The following CACNB2 variants were observed in gnomAD, a reference collection of about 807,000 sequenced individuals.
CACNB2 encodes the protein voltage-dependent L-type calcium channel subunit beta-2.
CACNB2 carries 42 observed loss-of-function variants against 73.3 expected under a neutral mutation model. That is an observed-to-expected ratio of 0.57 (90% CI 0.45 to 0.74). The LOEUF is 0.74. Ranked by LOEUF, CACNB2 falls within the 30% of genes least tolerant of loss-of-function variation. The pLI is 0.00. For synonymous variants in CACNB2, 348 were observed against 310.3 expected, an observed-to-expected ratio of 1.12 and a Z score of -1.28; for missense variants, 940 against 853.0, an observed-to-expected ratio of 1.10 and a Z score of -1.27.
At chr10:18,514,456 G>C in intron 7 of CACNB2, 87 bp downstream of exon 7, 7 of 1,613,852 alleles carry the variant, frequency 4.3e-6, no homozygotes, top group African/African-American at 1.3e-5. Flanking sequence ...TGCGTCCTTT[G>C]ATAAGCCAAT....
intron 3 of CACNB2, among the ~76,000 whole-genome samples, chr10:18,497,104 C>A (rs556791235): frequency 6.7e-6 from 1 of 150,014 alleles, no homozygotes; most frequent in Admixed American, 6.6e-5. Context: ...CCAAGCTACT[C>A]GGGAGGCTGA....
intron 3 of CACNB2, among the ~76,000 whole-genome samples, chr10:18,415,744 T>A (rs1484214662): frequency 6.6e-6 from 1 of 152,232 alleles, no homozygotes; most frequent in Non-Finnish European, 1.5e-5. Context: ...ATTCGCAATT[T>A]ACTTAATGGC....
rs183801082 is a variant in CACNB2 at position 18,409,002 on chromosome 10, G to A, written c.333+6959G>A. ...AGAATAGCTGGGACCACAGGCATGC[G>A]CCACCATGCCTCGCTAACATTTTTT... On this transcript the variant is annotated intron_variant, in intron 3 of 13. Coordinates refer to ENST00000324631, the MANE Select transcript of CACNB2 (RefSeq NM_201596.3). Among the ~76,000 whole-genome samples, 123 of 150,980 alleles carry A rather than the reference G, an allele frequency of 8.1e-4. 1 individual carries two copies. Among genetic ancestry groups the A allele is most frequent in the Admixed American group, 6.2e-3 (94 of 15,198 alleles).
At position 18,318,793 on chromosome 10, in the gene CACNB2, T is replaced by C. The variant is rs1414587058; in HGVS notation, c.214-83131T>C. 2.0e-5 allele frequency among the ~76,000 whole-genome samples: 3 copies of C among 152,112 alleles called. No individual in the cohort carries two copies. The East Asian group carries it at 5.8e-4, about 29-fold the overall frequency. ...ACCCCATCAAAAAGTGGGCCAAGGA[T>C]ATAAACAGACAGTTCTCAAAAGAAG... On this transcript the variant is annotated intron_variant, in intron 2 of 13. Coordinates refer to ENST00000324631, the MANE Select transcript of CACNB2 (RefSeq NM_201596.3).
intron 2 of CACNB2, among the ~76,000 whole-genome samples, chr10:18,323,084 C>T (rs2040455037): frequency 6.7e-6 from 1 of 149,850 alleles, no homozygotes; most frequent in African/African-American, 2.5e-5. Flanking sequence ...GCCTCAGTTT[C>T]CTGAGTAGCT....
chr10:18,274,118 G>A (rs753911741), intron 2 of CACNB2, among the ~76,000 whole-genome samples: 7 of 152,118 alleles, frequency 4.6e-5, no homozygotes, highest in East Asian at 1.9e-4. Flanking sequence ...TGTCCTGGGC[G>A]CAATGGACTA....
At chr10:18,274,064 C>G (rs960787172) in intron 2 of CACNB2, among the ~76,000 whole-genome samples, 2 of 152,142 alleles carry the variant, frequency 1.3e-5, no homozygotes, top group Non-Finnish European at 2.9e-5. Flanking sequence ...TCCTACTAAC[C>G]TCTAACTTTG....
intron 2 of CACNB2, among the ~76,000 whole-genome samples, chr10:18,202,505 T>A (rs115619106): frequency 1.5e-3 from 230 of 152,336 alleles, no homozygotes; most frequent in African/African-American, 5.3e-3. Flanking sequence ...ACTTCAAGTT[T>A]TTTTTTAACT....
intron 2 of CACNB2, among the ~76,000 whole-genome samples, chr10:18,157,268 C>T (rs765207218): frequency 3.3e-5 from 5 of 152,158 alleles, no homozygotes; most frequent in African/African-American, 9.7e-5. Context: ...TAGTGGCGAA[C>T]GCCTGGACTT....
At chr10:18,200,663 C>T (rs765766819) in intron 2 of CACNB2, among the ~76,000 whole-genome samples, 2 of 152,110 alleles carry the variant, frequency 1.3e-5, no homozygotes, top group African/African-American at 4.8e-5. Flanking sequence ...GGTAGAAGTA[C>T]TGCTTAAAAA....
At chr10:18,430,140 A>C (rs879388940) in intron 3 of CACNB2, among the ~76,000 whole-genome samples, 2 of 152,140 alleles carry the variant, frequency 1.3e-5, no homozygotes, top group Non-Finnish European at 2.9e-5. Context: ...TTAAAAAAAA[A>C]AAAAGGGACA....
At chr10:18,503,890 G>A (rs1369585121) in intron 5 of CACNB2, among the ~76,000 whole-genome samples, 1 of 152,038 alleles carries the variant, frequency 6.6e-6, no homozygotes, top group Non-Finnish European at 1.5e-5. Flanking sequence ...GGTGGAATGG[G>A]AATTTTTTTA....
At chr10:18,187,645 C>A (rs2131249793) in intron 2 of CACNB2, among the ~76,000 whole-genome samples, 1 of 151,972 alleles carries the variant, frequency 6.6e-6, no homozygotes, top group South Asian at 2.1e-4. Context: ...TATTATACAC[C>A]ATGGTCCTGA....
intron 2 of CACNB2, among the ~76,000 whole-genome samples, chr10:18,158,539 A>C (rs983912607): frequency 1.3e-5 from 2 of 152,224 alleles, no homozygotes; most frequent in African/African-American, 4.8e-5. Flanking sequence ...ACATGAATGA[A>C]AAAATTTCAT....
At chr10:18,458,681 G>A (rs16917384) in intron 3 of CACNB2, among the ~76,000 whole-genome samples, 8,347 of 151,290 alleles carry the variant, frequency 0.055, 799 homozygotes, top group African/African-American at 0.19. Context: ...CTTGTTATTA[G>A]CATCCTAACT....
At chr10:18,345,318 A>G (rs1589098521) in intron 2 of CACNB2, among the ~76,000 whole-genome samples, 1 of 152,202 alleles carries the variant, frequency 6.6e-6, no homozygotes, top group Non-Finnish European at 1.5e-5. Context: ...ATCACAATGT[A>G]TGCAGTATTA....
At chr10:18,439,233 G>C (rs915196951) in intron 3 of CACNB2, among the ~76,000 whole-genome samples, 44 of 152,214 alleles carry the variant, frequency 2.9e-4, no homozygotes, top group African/African-American at 1.1e-3. Flanking sequence ...ATTGCAGGAA[G>C]GTGACTAGGA....
At chr10:18,217,891 G>T (rs113270633) in intron 2 of CACNB2, among the ~76,000 whole-genome samples, 2 of 152,176 alleles carry the variant, frequency 1.3e-5, no homozygotes, top group South Asian at 4.2e-4. Flanking sequence ...TTGCCCCTGC[G>T]TTACCCTTGG....
At chr10:18,292,482 C>G (rs2039106686) in intron 2 of CACNB2, among the ~76,000 whole-genome samples, 1 of 152,036 alleles carries the variant, frequency 6.6e-6, no homozygotes, top group African/African-American at 2.4e-5. Flanking sequence ...ATGGTAAAAC[C>G]CCGTCCCTAC....
Sources: gnomAD v4.1 joint callset for allele counts (sites outside exome capture counted in the v4.1 genomes callset) on GRCh38, gnomAD v4.1.1 for gene constraint, MANE v1.5 for transcripts, NCBI Gene and HGNC (gene_info 2026-07-23, HGNC 2026-07-21) for gene names.